The following P3H2 variants were observed in gnomAD, a reference collection of about 807,000 sequenced individuals.
P3H2 encodes leprecan-like 1.
A neutral mutation model predicts 87.0 loss-of-function variants in P3H2; 80 were observed. The ratio of observed to expected loss-of-function variants is 0.92; its 90% CI spans 0.77 to 1.11. The LOEUF is 1.11. Ranked by LOEUF, P3H2 falls within the 50% of genes least tolerant of loss-of-function variation. The pLI is 0.00. For synonymous variants in P3H2, 367 were observed against 359.3 expected, an observed-to-expected ratio of 1.02 and a Z score of -0.24; for missense variants, 1,001 against 923.9, an observed-to-expected ratio of 1.08 and a Z score of -1.08.
chr3:189,972,915 T>C lies in P3H2; in HGVS notation c.1658A>G (p.Tyr553Cys), dbSNP rs1040473465. ...GCAGACCATGTGTGTATAGGAAAAA[T>C]ACAGAGTTGAGTTCAGCATAAAATA... is the stretch of plus-strand genomic sequence containing the variant. Reference protein sequence around the residue: ...ESYFMLNSTLYFSYTHMVCRT... With the variant: ...ESYFMLNSTLCFSYTHMVCRT... The change falls in exon 11 of 15, where the codon TAT becomes TGT. Residue 553 changes from tyrosine to cysteine, a missense_variant. Transcript: ENST00000319332. The C allele has an allele frequency of 5.0e-6, 8 of 1,613,758 alleles. No individual in the cohort carries two copies. Among genetic ancestry groups the C allele is most frequent in the Non-Finnish European group, 6.8e-6 (8 of 1,179,978 alleles).
chr3:190,102,523 A>G (rs916947412), intron 1 of P3H2, among the ~76,000 whole-genome samples: 1 of 152,262 alleles, frequency 6.6e-6, no homozygotes, highest in Admixed American at 6.5e-5. Context: ...TAAAATAAAA[A>G]GTGGAGCCTG....
At chr3:189,981,198 A>C (rs983589053) in intron 8 of P3H2, among the ~76,000 whole-genome samples, 1 of 152,224 alleles carries the variant, frequency 6.6e-6, no homozygotes, top group African/African-American at 2.4e-5. Context: ...CCTAACCCAA[A>C]GTCAGGATCA....
chr3:190,073,292 G>A (rs1169413611), intron 1 of P3H2, among the ~76,000 whole-genome samples: 1 of 152,162 alleles, frequency 6.6e-6, no homozygotes, highest in Non-Finnish European at 1.5e-5. Context: ...AAAGCTGGCA[G>A]GAAACCCAAG....
At chr3:189,987,942 T>C (rs1229702562) in intron 4 of P3H2, among the ~76,000 whole-genome samples, 3 of 152,250 alleles carry the variant, frequency 2.0e-5, no homozygotes, top group Non-Finnish European at 4.4e-5. Context: ...TGACAACTTT[T>C]ATTATTTAAC....
At chr3:190,109,584 G>A (rs1711986441) in intron 1 of P3H2, among the ~76,000 whole-genome samples, 1 of 152,150 alleles carries the variant, frequency 6.6e-6, no homozygotes, top group Non-Finnish European at 1.5e-5. Flanking sequence ...CATCATGTTA[G>A]GACAATCAGT....
chr3:190,044,765 G>C (rs1036934982), intron 1 of P3H2, among the ~76,000 whole-genome samples: 4 of 152,146 alleles, frequency 2.6e-5, no homozygotes, highest in African/African-American at 9.7e-5. Flanking sequence ...TTTATTCCAC[G>C]AGTATGAGGT....
At chr3:189,961,565 C>T (rs903493075) in intron 14 of P3H2, among the ~76,000 whole-genome samples, 5 of 152,130 alleles carry the variant, frequency 3.3e-5, no homozygotes, top group African/African-American at 1.2e-4. Flanking sequence ...AACTCTGCTG[C>T]TGCACGTTAG....
At position 190,021,968 on chromosome 3, in the gene P3H2, T is replaced by C. The variant is rs377684126; in HGVS notation, c.481-26526A>G. Reference sequence around the variant, plus strand: ...CTGTCAGTGATACTTTATTGCCTATTCATTCAACAAATATGTAATGAATGT... The same window carrying C: ...CTGTCAGTGATACTTTATTGCCTATCCATTCAACAAATATGTAATGAATGT... On this transcript the variant is annotated intron_variant, in intron 1 of 14. Coordinates refer to ENST00000319332, the MANE Select transcript of P3H2 (RefSeq NM_018192.4). Among the ~76,000 whole-genome samples, 17 of 135,110 alleles carry C rather than the reference T, an allele frequency of 1.3e-4. 2 individuals carry two copies. Among genetic ancestry groups the C allele is most frequent in the African/African-American group, 4.1e-4 (16 of 39,192 alleles). 88.6% of individuals were successfully genotyped at this position (135,110 alleles called of 152,430 possible). A position where few individuals can be genotyped will look rare whatever the true frequency, so the allele number is the denominator to read the frequency against.
intron 1 of P3H2, among the ~76,000 whole-genome samples, chr3:190,080,262 G>C (rs974618610): frequency 6.6e-6 from 1 of 152,200 alleles, no homozygotes; most frequent in Non-Finnish European, 1.5e-5. Context: ...GCATAGCAGA[G>C]GGCACTGAGG....
intron 1 of P3H2, among the ~76,000 whole-genome samples, chr3:190,052,125 A>C (rs2108961550): frequency 6.6e-6 from 1 of 152,310 alleles, no homozygotes; most frequent in East Asian, 1.9e-4. Flanking sequence ...CAGAACGTGC[A>C]GGATTGTTAC....
intron 4 of P3H2, 185 bp from the exon 5 acceptor site, chr3:189,987,854 C>A: frequency 1.5e-6 from 1 of 672,842 alleles, no homozygotes; most frequent in Non-Finnish European, 2.5e-6. Context: ...TTCAAGTATT[C>A]AAAAGTTATT....
intron 1 of P3H2, among the ~76,000 whole-genome samples, chr3:190,070,921 T>C (rs997777434): frequency 6.6e-6 from 1 of 152,364 alleles, no homozygotes; most frequent in Middle Eastern, 3.4e-3. Flanking sequence ...ACATGTAGGC[T>C]GCACACAGTC....
chr3:189,970,869 C>A lies in P3H2; in HGVS notation c.1840G>T (p.Asp614Tyr). 1 of 1,582,988 alleles carries A rather than the reference C, an allele frequency of 6.3e-7. No individual in the cohort carries two copies. Among genetic ancestry groups the A allele is most frequent in the South Asian group, 1.1e-5 (1 of 90,412 alleles). The change falls in exon 13 of 15, where the codon GAC (aspartate) becomes TAC (tyrosine). Residue 614 changes from aspartate to tyrosine, a missense_variant. Physicochemically the swap from Asp to Tyr is radical, Grantham distance 160. Coordinates refer to ENST00000319332, the MANE Select transcript of P3H2 (RefSeq NM_018192.4). ...AATATGAATTCTCCTCCTTCAAAGT[C>A]ATCATTCATATATAGGAGAGCACTA... ...DYSALLYMND[D>Y]FEGGEFIFTE...
At chr3:189,990,813 A>C (rs1723854471) in intron 3 of P3H2, among the ~76,000 whole-genome samples, 1 of 152,222 alleles carries the variant, frequency 6.6e-6, no homozygotes, top group South Asian at 2.1e-4. Context: ...TGTGCAATTA[A>C]TATGTTTTTA....
chr3:190,036,456 T>C (rs1259591085), intron 1 of P3H2, among the ~76,000 whole-genome samples: 1 of 152,228 alleles, frequency 6.6e-6, no homozygotes, highest in East Asian at 1.9e-4. Context: ...ATTAATAACA[T>C]CTAAACTGGT....
upstream of P3H2, among the ~76,000 whole-genome samples, chr3:190,121,836 A>G (rs1425580177): frequency 6.6e-6 from 1 of 152,146 alleles, no homozygotes; most frequent in Non-Finnish European, 1.5e-5. Context: ...TCACCCCTGT[A>G]ATCCCAGCAC....
At chr3:189,994,499 G>T (rs769202363) in intron 2 of P3H2, among the ~76,000 whole-genome samples, 1 of 152,126 alleles carries the variant, frequency 6.6e-6, no homozygotes, top group Non-Finnish European at 1.5e-5. Context: ...GGGTCTTACT[G>T]AGCAAATAGA....
intron 1 of P3H2, among the ~76,000 whole-genome samples, chr3:190,077,745 G>C (rs1156278167): frequency 3.3e-5 from 5 of 152,170 alleles, no homozygotes; most frequent in Non-Finnish European, 4.4e-5. Context: ...ATAAGCAGAG[G>C]AAATGTTTTT....
chr3:190,089,253 A>G (rs979755465), intron 1 of P3H2, among the ~76,000 whole-genome samples: 11 of 152,206 alleles, frequency 7.2e-5, no homozygotes, highest in African/African-American at 2.7e-4. Context: ...TAGCATTAGG[A>G]GATACACCTA....
Sources: allele counts gnomAD v4.1 joint callset (sites outside exome capture counted in the v4.1 genomes callset), GRCh38; gene constraint gnomAD v4.1.1; transcripts MANE v1.5; gene names NCBI Gene and HGNC (gene_info 2026-07-23, HGNC 2026-07-21).